The following CAMTA1 variants were observed in gnomAD, a reference collection of about 807,000 sequenced individuals.
CAMTA1 encodes calmodulin binding transcription activator 1.
Under a neutral mutation model 170.9 loss-of-function variants are expected in CAMTA1, and 27 were observed. The observed-to-expected ratio is 0.16, with a 90% CI of 0.12 to 0.22. The LOEUF (loss-of-function observed/expected upper bound fraction) is 0.22, where lower values mean the gene tolerates loss of function less well. Ranked by LOEUF, CAMTA1 falls within the 10% of genes least tolerant of loss-of-function variation. CAMTA1 has a pLI of 1.00. For missense variants in CAMTA1, 1,619 were observed against 2,217.2 expected (o/e 0.73, Z 5.42); for synonymous variants, 833 against 891.5 (o/e 0.93, Z 1.17).
intron 7 of CAMTA1, among the ~76,000 whole-genome samples, chr1:7,647,846 G>A (rs1317123632): frequency 1.3e-5 from 2 of 152,244 alleles, no homozygotes; most frequent in African/African-American, 4.8e-5. Context: ...CACTCTGGGT[G>A]GCCGAGGCAG....
chr1:6,847,084 A>G (rs551733768), intron 3 of CAMTA1, among the ~76,000 whole-genome samples: 7 of 151,680 alleles, frequency 4.6e-5, no homozygotes, highest in Admixed American at 2.0e-4. Flanking sequence ...GCTCACTGCA[A>G]CCTCTGCCTC....
chr1:7,445,504 G>A (rs549161631), intron 5 of CAMTA1, among the ~76,000 whole-genome samples: 3 of 152,222 alleles, frequency 2.0e-5, no homozygotes, highest in Admixed American at 6.5e-5. Context: ...CGAATGCCCA[G>A]CCAGAGCAGA....
At chr1:7,603,727 G>A (rs976102006) in intron 6 of CAMTA1, among the ~76,000 whole-genome samples, 4 of 152,156 alleles carry the variant, frequency 2.6e-5, no homozygotes, top group African/African-American at 9.7e-5. Context: ...CTGTCATTAT[G>A]ATGTTAGCTG....
At chr1:7,033,653 C>T (rs372863638) in intron 3 of CAMTA1, among the ~76,000 whole-genome samples, 19 of 129,990 alleles carry the variant, frequency 1.5e-4, no homozygotes, top group Admixed American at 5.5e-4. Context: ...AGTGCTGTGG[C>T]GGTGATCTCG....
chr1:7,707,550 T>C (rs1339498994), intron 11 of CAMTA1, among the ~76,000 whole-genome samples: 2 of 152,110 alleles, frequency 1.3e-5, no homozygotes, highest in Admixed American at 1.3e-4. Context: ...TAATTTGTTG[T>C]ATTTTTTGTA....
intron 1 of CAMTA1, among the ~76,000 whole-genome samples, chr1:6,813,811 C>T (rs143393595): frequency 1.7e-4 from 26 of 152,180 alleles, no homozygotes; most frequent in African/African-American, 6.0e-4. Flanking sequence ...CTCAGTGGCA[C>T]AGTACCAAGA....
rs569725275 is a variant in CAMTA1 at position 7,357,686 on chromosome 1, TTTTA to T, written c.438+108063_438+108066del. The stretch of plus-strand genomic sequence containing the variant: ...GAGTTTCTGGTTTGCTTGCTTTTGT[TTTTA>T]TTATTATTTTTATACAGATGTCCTC... On this transcript the variant is annotated intron_variant, in intron 5 of 22. Transcript: ENST00000303635. 1.9e-3 allele frequency among the ~76,000 whole-genome samples: 41 copies of T among 21,358 alleles called. No individual in the cohort carries two copies. In the East Asian group the frequency reaches 0.31, roughly 162 times the overall value. 14.0% of individuals were successfully genotyped at this position (21,358 alleles called of 152,430 possible).
intron 5 of CAMTA1, among the ~76,000 whole-genome samples, chr1:7,406,649 C>T (rs145180622): frequency 3.1e-4 from 47 of 151,970 alleles, no homozygotes; most frequent in Admixed American, 1.2e-3. Flanking sequence ...AGCACACACA[C>T]GCACACACAT....
intron 5 of CAMTA1, among the ~76,000 whole-genome samples, chr1:7,459,850 G>C (rs906784244): frequency 6.6e-6 from 1 of 152,226 alleles, no homozygotes; most frequent in Non-Finnish European, 1.5e-5. Context: ...GAGAAACAGC[G>C]CAGGGAAGGC....
chr1:6,908,115 AC>A (rs1678943481), intron 3 of CAMTA1, among the ~76,000 whole-genome samples: 1 of 151,134 alleles, frequency 6.6e-6, no homozygotes, highest in South Asian at 2.1e-4. Context: ...TGACTTGAGA[AC>A]CCCTTCTTTG....
At chr1:7,148,792 C>T (rs1178573088) in intron 4 of CAMTA1, among the ~76,000 whole-genome samples, 1 of 152,242 alleles carries the variant, frequency 6.6e-6, no homozygotes, top group African/African-American at 2.4e-5. Flanking sequence ...GGGGTGCCTG[C>T]AGAGCACTGA....
intron 4 of CAMTA1, among the ~76,000 whole-genome samples, chr1:7,230,934 A>C (rs766128418): frequency 6.6e-6 from 1 of 152,066 alleles, no homozygotes; most frequent in Non-Finnish European, 1.5e-5. Context: ...ACTCAGCACC[A>C]TGCTCGTGGC....
chr1:7,606,560 G>A (rs1009367029), intron 6 of CAMTA1, among the ~76,000 whole-genome samples: 2 of 152,162 alleles, frequency 1.3e-5, no homozygotes, highest in African/African-American at 4.8e-5. Flanking sequence ...ATTTTAAGTG[G>A]CCAAAAGAAC....
Position 6,887,808 on chromosome 1 carries a change from A to C in CAMTA1, c.234+62598A>C. On this transcript the variant is annotated intron_variant, in intron 3 of 22. Transcript: ENST00000303635. This position sits in a 1 kb window ranked among gnomAD's most constrained non-coding sequence, Gnocchi z 4.1. ...CCATGTCTGGCTTTAAGACAGTTCT[A>C]TTAGTGAATTAACTGTTCTCAAAAC... is the stretch of plus-strand genomic sequence containing the variant. 2 of 1,500,414 alleles carry C rather than the reference A, an allele frequency of 1.3e-6. No individual in the cohort carries two copies. The highest frequency in any genetic ancestry group is 1.8e-6 in the Non-Finnish European group (2 of 1,130,596). 92.9% of individuals were successfully genotyped at this position (1,500,414 alleles called of 1,614,324 possible). A position where few individuals can be genotyped will look rare whatever the true frequency, so the allele number is the denominator to read the frequency against.
chr1:6,997,801 C>G (rs1277974638), intron 3 of CAMTA1, among the ~76,000 whole-genome samples: 2 of 151,298 alleles, frequency 1.3e-5, no homozygotes, highest in African/African-American at 4.9e-5. Flanking sequence ...GCTGGGATTA[C>G]AGGCGTGCAC....
rs1451603585 is a variant in CAMTA1, at chr1:6,825,222, T to A, written c.234+12T>A. ...GGAACACTAATGAGGTAGATAAGTT[T>A]CTTTTTTTAAGGGTATAATTATTTT... is the stretch of plus-strand genomic sequence containing the variant. On this transcript the variant is annotated intron_variant, in intron 3 of 22. Transcript: ENST00000303635. 2.0e-6 allele frequency: 3 copies of A among 1,501,690 alleles called. No homozygotes were observed. Among genetic ancestry groups the A allele is most frequent in the Non-Finnish European group, 2.7e-6 (3 of 1,102,234 alleles). The allele number at this position is 1,501,690 out of a possible 1,614,324, so 93.0% of individuals were successfully genotyped here.
intron 3 of CAMTA1, among the ~76,000 whole-genome samples, chr1:6,960,287 G>A (rs1690153348): frequency 6.6e-6 from 1 of 152,168 alleles, no homozygotes; most frequent in Non-Finnish European, 1.5e-5. Flanking sequence ...AGACGTGAGT[G>A]GAGGGGGCCA....
chr1:7,458,515 C>T (rs1369195422), intron 5 of CAMTA1, among the ~76,000 whole-genome samples: 2 of 152,182 alleles, frequency 1.3e-5, no homozygotes, highest in African/African-American at 2.4e-5. Context: ...AGCCAAGGGA[C>T]GGCTACTCTC....
intron 3 of CAMTA1, among the ~76,000 whole-genome samples, chr1:6,944,331 G>A (rs990416152): frequency 1.3e-5 from 2 of 152,258 alleles, no homozygotes; most frequent in East Asian, 3.9e-4. Flanking sequence ...TGCAAACAGA[G>A]TGACTCTTTT....
Sources: gnomAD v4.1 joint callset for allele counts (sites outside exome capture counted in the v4.1 genomes callset) on GRCh38, gnomAD v4.1.1 for gene constraint, Gnocchi (gnomAD v3.1) non-coding constraint, MANE v1.5 for transcripts, NCBI Gene and HGNC (gene_info 2026-07-23, HGNC 2026-07-21) for gene names.